Variants in PPM1L observed in about 807,000 individuals in gnomAD.
PPM1L encodes protein phosphatase, Mg2+/Mn2+ dependent 1L.
In PPM1L, 13 loss-of-function variants were observed where a neutral mutation model predicts 31.4. That is an observed-to-expected ratio of 0.41 (90% CI 0.27 to 0.66). The LOEUF (loss-of-function observed/expected upper bound fraction) is 0.66, where lower values mean the gene tolerates loss of function less well. Ranked by LOEUF, PPM1L falls within the 30% of genes least tolerant of loss-of-function variation. PPM1L has a pLI of 0.29. For synonymous variants in PPM1L, 184 were observed against 175.4 expected, an observed-to-expected ratio of 1.05 and a Z score of -0.39; for missense variants, 326 against 453.7, an observed-to-expected ratio of 0.72 and a Z score of 2.56.
At chr3:160,791,147 A>G (rs1012515554) in intron 1 of PPM1L, among the ~76,000 whole-genome samples, 2 of 152,148 alleles carry the variant, frequency 1.3e-5, no homozygotes, top group Non-Finnish European at 2.9e-5. Flanking sequence ...GGTCACAATG[A>G]CAGTCACTGC....
intron 1 of PPM1L, among the ~76,000 whole-genome samples, chr3:160,826,286 T>C (rs2108094342): frequency 6.6e-6 from 1 of 152,194 alleles, no homozygotes; most frequent in South Asian, 2.1e-4. Flanking sequence ...ACATGATGAG[T>C]TGTAGTTTGG....
chr3:160,976,807 A>T (rs530666654), intron 2 of PPM1L, among the ~76,000 whole-genome samples: 1 of 151,744 alleles, frequency 6.6e-6, no homozygotes, highest in Non-Finnish European at 1.5e-5. Context: ...AGTTTTGTTG[A>T]TCCTTTCAAA....
intron 1 of PPM1L, among the ~76,000 whole-genome samples, chr3:160,871,282 G>T (rs1712294315): frequency 6.6e-6 from 1 of 152,110 alleles, no homozygotes; most frequent in South Asian, 2.1e-4. Context: ...GTAACAGTGG[G>T]ATCTAAAAAT....
At chr3:160,935,138 C>T (rs1223367668) in intron 1 of PPM1L, among the ~76,000 whole-genome samples, 2 of 152,126 alleles carry the variant, frequency 1.3e-5, no homozygotes, top group African/African-American at 4.8e-5. Flanking sequence ...TGTTACTCAG[C>T]AGTGGCTGAG....
chr3:160,952,098 G>C (rs930880868), intron 1 of PPM1L, among the ~76,000 whole-genome samples: 1 of 152,138 alleles, frequency 6.6e-6, no homozygotes, highest in Non-Finnish European at 1.5e-5. Flanking sequence ...AACCTCTCCA[G>C]GTTAGAAGTG....
chr3:160,869,718 ATGTG>A (rs10663764), intron 1 of PPM1L, among the ~76,000 whole-genome samples: 15,539 of 150,168 alleles, frequency 0.1, 1,169 homozygotes, highest in African/African-American at 0.2. Flanking sequence ...GGTGCAATGT[ATGTG>A]TGTGTGTGTG....
At chr3:160,962,903 C>A (rs1377457033) in intron 2 of PPM1L, among the ~76,000 whole-genome samples, 1 of 151,958 alleles carries the variant, frequency 6.6e-6, no homozygotes, top group African/African-American at 2.4e-5. Context: ...AACCCCTTCA[C>A]CTCCCTCTCA....
intron 1 of PPM1L, among the ~76,000 whole-genome samples, chr3:160,800,433 C>CT (rs34324936): frequency 2.6e-5 from 4 of 151,928 alleles, no homozygotes; most frequent in Admixed American, 6.6e-5. Flanking sequence ...AGCATTAATA[C>CT]TTTTTTTAAT....
chr3:160,839,863 C>G (rs1713818306), intron 1 of PPM1L, among the ~76,000 whole-genome samples: 1 of 152,056 alleles, frequency 6.6e-6, no homozygotes, highest in South Asian at 2.1e-4. Flanking sequence ...ATTTTGGGAG[C>G]CCCGTTGGAA....
At chr3:160,759,549 A>G (rs1008154478) in intron 1 of PPM1L, among the ~76,000 whole-genome samples, 1 of 152,090 alleles carries the variant, frequency 6.6e-6, no homozygotes, top group African/African-American at 2.4e-5. Context: ...TGGCTTGAAT[A>G]TTTACCTAGA....
chr3:160,889,840 G>A (rs1713071894), intron 1 of PPM1L, among the ~76,000 whole-genome samples: 1 of 152,128 alleles, frequency 6.6e-6, no homozygotes, highest in African/African-American at 2.4e-5. Context: ...ATGCAAGGCT[G>A]GTTCAACATA....
chr3:161,006,826 G>A (rs940926576), intron 2 of PPM1L, among the ~76,000 whole-genome samples: 13 of 151,474 alleles, frequency 8.6e-5, no homozygotes, highest in Non-Finnish European at 1.6e-4. Context: ...GGGACCACAG[G>A]CACCCGCCAC....
intron 1 of PPM1L, among the ~76,000 whole-genome samples, chr3:160,938,037 T>C (rs1429807042): frequency 6.6e-6 from 1 of 152,236 alleles, no homozygotes; most frequent in Non-Finnish European, 1.5e-5. Context: ...TCCATACAAG[T>C]ATTTTTCCTG....
chr3:160,801,624 C>T (rs752736985), intron 1 of PPM1L, among the ~76,000 whole-genome samples: 1 of 152,180 alleles, frequency 6.6e-6, no homozygotes, highest in Non-Finnish European at 1.5e-5. Context: ...CAGAGCAGTG[C>T]CTGCCTGTTT....
intron 1 of PPM1L, among the ~76,000 whole-genome samples, chr3:160,819,317 A>G (rs1161450619): frequency 6.6e-6 from 1 of 152,068 alleles, no homozygotes; most frequent in East Asian, 1.9e-4. Context: ...GAGTAGTCCA[A>G]GTTATAAAAA....
chr3:161,019,133 A>G (rs1349636647), intron 2 of PPM1L, among the ~76,000 whole-genome samples: 1 of 152,132 alleles, frequency 6.6e-6, no homozygotes, highest in African/African-American at 2.4e-5. Flanking sequence ...ACTATAGATG[A>G]TGCTCAAAAT....
intron 1 of PPM1L, among the ~76,000 whole-genome samples, chr3:160,834,735 A>G (rs1034648968): frequency 6.6e-5 from 10 of 152,136 alleles, no homozygotes; most frequent in African/African-American, 2.4e-4. Flanking sequence ...CTTGAGATCC[A>G]TGTAAGTTTT....
chr3:160,893,003 A>C (rs570938886), intron 1 of PPM1L, among the ~76,000 whole-genome samples: 53 of 152,174 alleles, frequency 3.5e-4, no homozygotes, highest in Non-Finnish European at 6.0e-4. Context: ...AGTTGGAATG[A>C]TATACATGTC....
At chr3:160,930,865 A>G (rs1473908421) in intron 1 of PPM1L, among the ~76,000 whole-genome samples, 1 of 152,090 alleles carries the variant, frequency 6.6e-6, no homozygotes, top group Non-Finnish European at 1.5e-5. Context: ...GGAGAATTCC[A>G]TACCTAAGTC....
Sources: gnomAD v4.1 joint callset for allele counts (sites outside exome capture counted in the v4.1 genomes callset) on GRCh38, gnomAD v4.1.1 for gene constraint, MANE v1.5 for transcripts, NCBI Gene and HGNC (gene_info 2026-07-23, HGNC 2026-07-21) for gene names.